GRK1: variants seen among roughly 807,000 people sequenced by gnomAD.
GRK1 encodes the protein rhodopsin kinase GRK1.
GRK1 carries 28 observed loss-of-function variants against 41.7 expected under a neutral mutation model. The ratio of observed to expected loss-of-function variants is 0.67; its 90% CI spans 0.50 to 0.92. The LOEUF (loss-of-function observed/expected upper bound fraction) is 0.92. Ranked by LOEUF, GRK1 falls within the 40% of genes least tolerant of loss-of-function variation. The probability of loss-of-function intolerance (pLI) is 0.00; values close to 1 mark genes in which losing one functional copy is unlikely to be tolerated. For missense variants in GRK1, 703 were observed against 671.2 expected (o/e 1.05, Z -0.52); for synonymous variants, 327 against 286.7 (o/e 1.14, Z -1.42).
At chr13:113,668,820 T>C (rs1170071740) in intron 1 of GRK1, among the ~76,000 whole-genome samples, 2 of 152,222 alleles carry the variant, frequency 1.3e-5, no homozygotes, top group African/African-American at 4.8e-5. Flanking sequence ...CGCAGCTGTG[T>C]TGAGTGCACA....
In GRK1 at chr13:113,737,661, A is replaced by G. The variant is rs1283123309; in HGVS notation, c.*2298A>G. On this transcript the variant is annotated 3_prime_UTR_variant, in exon 7 of 7. Transcript: ENST00000335678. ...GTGGAGACTTTCATATGTCCTGTCA[A>G]GTTGCCTCATGCACCTGCAGACTGT... is the stretch of plus-strand genomic sequence containing the variant. 1 of 154,634 alleles carries G rather than the reference A, an allele frequency of 6.5e-6. No homozygotes were observed. The allele number at this position is 154,634 out of a possible 1,614,324, so 9.6% of individuals were successfully genotyped here. A position where few individuals can be genotyped will look rare whatever the true frequency, so the allele number is the denominator to read the frequency against.
At chr13:113,729,838 T>C (rs1396480616) in intron 4 of GRK1, among the ~76,000 whole-genome samples, 145 of 90,432 alleles carry the variant, frequency 1.6e-3, no homozygotes, top group Middle Eastern at 8.1e-3. Context: ...AGACCCGTCC[T>C]TCCATCCCGA....
chr13:113,649,279 G>A, the GRK1 span: 1 of 1,443,646 alleles, frequency 6.9e-7, no homozygotes, highest in East Asian at 2.6e-5. This position sits in a 1 kb window ranked among gnomAD's most constrained non-coding sequence, Gnocchi z 4.7. Flanking sequence ...CTTTGGGGAT[G>A]ATTTGGCAGG....
intron 6 of GRK1, among the ~76,000 whole-genome samples, chr13:113,733,494 T>G (rs2049953155): frequency 6.6e-6 from 1 of 150,854 alleles, no homozygotes; most frequent in African/African-American, 2.5e-5. Flanking sequence ...TGCGCGCGTG[T>G]GTGTATGTGT....
chr13:113,734,016 GTGTGTGCGTGCGTGTGCGTA>G (rs1385919052), intron 6 of GRK1, among the ~76,000 whole-genome samples: 4 of 143,418 alleles, frequency 2.8e-5, no homozygotes, highest in African/African-American at 1.1e-4. Flanking sequence ...GTGCGTGCAT[GTGTGTGCGTGCGTGTGCGTA>G]TGTGTGTGTG....
At chr13:113,666,394 G>A (rs1191270311), upstream of GRK1, among the ~76,000 whole-genome samples, 1 of 149,198 alleles carries the variant, frequency 6.7e-6, no homozygotes, top group African/African-American at 2.5e-5. Context: ...TCTCAGGTGT[G>A]CCCCAGGTAT....
intron 1 of GRK1, 77 bp from the exon 2 acceptor site, chr13:113,669,610 G>C: frequency 1.3e-6 from 2 of 1,576,736 alleles, no homozygotes; most frequent in Non-Finnish European, 1.7e-6. Flanking sequence ...GGCGTGGCCG[G>C]GTGCACACGG....
intron 2 of GRK1, 188 bp downstream of exon 2, chr13:113,670,002 G>A (rs940176544): frequency 6.9e-6 from 2 of 288,744 alleles, no homozygotes; most frequent in Non-Finnish European, 1.0e-5. Flanking sequence ...GACCCACATC[G>A]GAGCAGGAGC....
At chr13:113,660,349 TACCC>T in the GRK1 span, among the ~76,000 whole-genome samples, 1 of 152,148 alleles carries the variant, frequency 6.6e-6, no homozygotes, top group African/African-American at 2.4e-5. Context: ...CCAGGACTGC[TACCC>T]ACCCACCCAA....
rs1271088955 is a variant in GRK1, at chr13:113,736,956, C to G, written c.*1593C>G. On this transcript the variant is annotated 3_prime_UTR_variant, in exon 7 of 7. Coordinates refer to ENST00000335678, the MANE Select transcript of GRK1 (RefSeq NM_002929.3). The stretch of plus-strand genomic sequence containing the variant: ...CCTGCAGGGAGTGGAAGAGATGGAT[C>G]CTCCGTAGCCTGGACTGGTGGGTCT... The G allele has an allele frequency of 6.6e-6, 1 of 152,390 alleles. No individual in the cohort carries two copies. The highest frequency in any genetic ancestry group is 1.5e-5 in the Non-Finnish European group (1 of 68,168). The allele number at this position is 152,390 out of a possible 1,614,324, so 9.4% of individuals were successfully genotyped here.
chr13:113,672,126 C>T (rs1186882769), intron 3 of GRK1, among the ~76,000 whole-genome samples: 1 of 151,970 alleles, frequency 6.6e-6, no homozygotes, highest in Non-Finnish European at 1.5e-5. Flanking sequence ...CGCCCTCCAC[C>T]GTCAGCCAGG....
Position 113,731,244 on chromosome 13 carries a change from G to C in GRK1, c.1095G>C (p.Gln365His), listed in dbSNP as rs547702537. The change falls in exon 5 of 7, where the codon CAG (glutamine) becomes CAC (histidine). Residue 365 changes from glutamine to histidine, a missense_variant. Coordinates refer to ENST00000335678, the MANE Select transcript of GRK1 (RefSeq NM_002929.3). This position sits in a 1 kb window ranked among gnomAD's most constrained non-coding sequence, Gnocchi z 5.6. ...GTTTCATGGCCCCCGAGCTCCTGCA[G>C]GGCGAGGAGTACGACTTCTCCGTGG... is the stretch of plus-strand genomic sequence containing the variant. ...TPGFMAPELL[Q>H]GEEYDFSVDY... is the part of the protein sequence containing the mutation. 6.5e-7 allele frequency: 1 copy of C among 1,537,014 alleles called. No individual in the cohort carries two copies. Among genetic ancestry groups the C allele is most frequent in the Non-Finnish European group, 8.7e-7 (1 of 1,146,762 alleles).
rs2049829644 is a variant in GRK1 at position 113,667,861 on chromosome 13, C to T, written c.475C>T (p.Gln159Ter). ...LLQATLAHLG[Q>*]APFQEYLGSL... ...GCAGGCCACCCTGGCACACCTGGGCCAAGCCCCCTTCCAGGAGTACCTGGG... is the reference window on the plus strand; with the variant it reads ...GCAGGCCACCCTGGCACACCTGGGCTAAGCCCCCTTCCAGGAGTACCTGGG... The change falls in exon 1 of 7, where the codon CAA becomes TAA. Residue 159 changes from glutamine (Q) to a stop codon, truncating the protein, a stop_gained. Transcript: ENST00000335678. LOFTEE classifies it high-confidence loss of function. This position sits in a 1 kb window ranked among gnomAD's most constrained non-coding sequence, Gnocchi z 7.5. The T allele has an allele frequency of 6.3e-7, 1 of 1,588,738 alleles. No individual in the cohort carries two copies. Among genetic ancestry groups the T allele is most frequent in the African/African-American group, 1.3e-5 (1 of 74,222 alleles).
At chr13:113,728,195 G>A (rs867552990) in intron 4 of GRK1, among the ~76,000 whole-genome samples, 4 of 124,720 alleles carry the variant, frequency 3.2e-5, no homozygotes, top group South Asian at 2.7e-4. Context: ...TACCCATGGC[G>A]ATGAGGAGTA....
chr13:113,729,432 C>T (rs1223586232), intron 4 of GRK1, among the ~76,000 whole-genome samples: 1 of 152,220 alleles, frequency 6.6e-6, no homozygotes, highest in Admixed American at 6.5e-5. Context: ...TGCTTTCCCT[C>T]CTGAAGTCCC....
chr13:113,652,843 T>C, the GRK1 span: 2 of 1,609,584 alleles, frequency 1.2e-6, no homozygotes, highest in South Asian at 2.2e-5. Flanking sequence ...ACTGTTGTAG[T>C]GGCGTGTGAA....
upstream of GRK1, chr13:113,667,023 G>A (rs1471314312): frequency 5.4e-6 from 1 of 185,000 alleles, no homozygotes; most frequent in East Asian, 1.3e-4. The surrounding 1 kb of genome is among the most constrained non-coding windows in gnomAD (Gnocchi z 7.5). Context: ...AAGCCTGGTG[G>A]TTGTTTGTCC....
the GRK1 span, among the ~76,000 whole-genome samples, chr13:113,657,440 G>A: frequency 1.3e-5 from 2 of 152,348 alleles, no homozygotes; most frequent in South Asian, 2.1e-4. Flanking sequence ...TGTGGCCTTG[G>A]AGGCCCAGGC....
At chr13:113,732,575 C>T (rs1594580017) in intron 5 of GRK1, among the ~76,000 whole-genome samples, 1 of 152,362 alleles carries the variant, frequency 6.6e-6, no homozygotes, top group South Asian at 2.1e-4. Flanking sequence ...GGCTGCTTCT[C>T]AGCTGGGCCC....
Sources: gnomAD v4.1 joint callset for allele counts (sites outside exome capture counted in the v4.1 genomes callset) on GRCh38, gnomAD v4.1.1 for gene constraint, Gnocchi (gnomAD v3.1) non-coding constraint, MANE v1.5 for transcripts, NCBI Gene and HGNC (gene_info 2026-07-23, HGNC 2026-07-21) for gene names.